Variants in GTF3C1 observed in about 807,000 individuals in gnomAD.
GTF3C1 encodes general transcription factor IIIC subunit 1.
In GTF3C1, 57 loss-of-function variants were observed where a neutral mutation model predicts 226.7. The ratio of observed to expected loss-of-function variants is 0.25; its 90% confidence interval spans 0.20 to 0.31. The LOEUF (loss-of-function observed/expected upper bound fraction) is 0.31. GTF3C1 is among the 10% of genes least tolerant of loss of function. The pLI is 1.00. For synonymous variants in GTF3C1, 1,090 were observed against 1,084.8 expected, an observed-to-expected ratio of 1.00 and a Z score of -0.09; for missense variants, 2,217 against 2,776.1, an observed-to-expected ratio of 0.80 and a Z score of 4.53.
chr16:27,476,563 C>A lies in GTF3C1; in HGVS notation c.4260-19G>T. On this transcript the variant is annotated intron_variant, in intron 28 of 36. Coordinates refer to ENST00000356183, the MANE Select transcript of GTF3C1 (RefSeq NM_001520.4). ...ATCCACGCTGAAAGAGAGGGGGCAG[C>A]AGGGCACCATGAGACCACAGGCACT... 1 of 1,471,226 alleles carries A rather than the reference C, an allele frequency of 6.8e-7. No individual in the cohort carries two copies. The allele number at this position is 1,471,226 out of a possible 1,614,324, so 91.1% of individuals were successfully genotyped here.
intron 13 of GTF3C1, 137 bp from the exon 14 acceptor site, chr16:27,497,958 G>T: frequency 1.5e-6 from 1 of 661,382 alleles, no homozygotes; most frequent in East Asian, 2.7e-5. Flanking sequence ...GGGCCAGGGA[G>T]ATGATGCAAA....
In GTF3C1 at chr16:27,498,753, C is replaced by G. The variant is rs367897591; in HGVS notation, c.2062-20G>C. The G allele has an allele frequency of 1.6e-6, 2 of 1,238,758 alleles. No homozygotes were observed. Among genetic ancestry groups the G allele is most frequent in the Middle Eastern group, 1.9e-4 (1 of 5,372 alleles). The allele number at this position is 1,238,758 out of a possible 1,614,324, so 76.7% of individuals were successfully genotyped here. On this transcript the variant is annotated intron_variant, in intron 12 of 36. Coordinates refer to ENST00000356183, the MANE Select transcript of GTF3C1 (RefSeq NM_001520.4). ...ATCCACCTGGAGAGAGAGGTTGGAG[C>G]ATCCCACAGGGTGAGGGAAGAGCTG...
chr16:27,491,354 A>T (rs2088230102), intron 19 of GTF3C1, among the ~76,000 whole-genome samples: 1 of 152,132 alleles, frequency 6.6e-6, no homozygotes, highest in Non-Finnish European at 1.5e-5. Context: ...CTGGAGGAAA[A>T]GCACTGCAGG....
chr16:27,473,340 G>C (rs1052179899), intron 29 of GTF3C1, among the ~76,000 whole-genome samples: 4 of 152,238 alleles, frequency 2.6e-5, no homozygotes, highest in African/African-American at 9.6e-5. Flanking sequence ...GCAGCTCAAA[G>C]GACTGTGCAG....
At chr16:27,497,852 C>T (rs761184041) in intron 13 of GTF3C1, 31 bp from the exon 14 acceptor site, 7 of 1,558,606 alleles carry the variant, frequency 4.5e-6, no homozygotes, top group Non-Finnish European at 6.1e-6. Context: ...CAATAATGTA[C>T]TGAGAAAATC....
chr16:27,492,698 C>G lies in GTF3C1; in HGVS notation c.2892G>C (p.Ser964=). The change falls in exon 18 of 37, where the codon TCG becomes TCC. Residue 964 remains serine (S), a synonymous_variant. Coordinates refer to ENST00000356183, the MANE Select transcript of GTF3C1 (RefSeq NM_001520.4). This position sits in a 1 kb window ranked among gnomAD's most constrained non-coding sequence, Gnocchi z 5.0. Reference sequence around the variant, plus strand: ...ACAGCCTCTGAAGGTTCTCCACCACCGAAAAAATGTAACGCCTAGAAAACA... The same window carrying G: ...ACAGCCTCTGAAGGTTCTCCACCACGGAAAAAATGTAACGCCTAGAAAACA... ...QLLYKRRYIF[S]VVENLQRLCY... 6.3e-7 allele frequency: 1 copy of G among 1,591,506 alleles called. No individual in the cohort carries two copies. Among genetic ancestry groups the G allele is most frequent in the Non-Finnish European group, 8.6e-7 (1 of 1,159,328 alleles).
At chr16:27,484,858 C>T (rs760962207) in intron 24 of GTF3C1, among the ~76,000 whole-genome samples, 4 of 152,230 alleles carry the variant, frequency 2.6e-5, no homozygotes, top group Non-Finnish European at 2.9e-5. Context: ...AGCCGCTTGA[C>T]GAGTTATTTT....
In GTF3C1 at chr16:27,489,666, CCTT is replaced by C. The variant is rs753436298; in HGVS notation, c.3226_3228del (p.Lys1076del). On this transcript the variant is annotated inframe_deletion, in exon 20 of 37. Transcript: ENST00000356183. ...TGCTTGTCCATGGCGCTCTCCTGCT[CCTT>C]CTGCAGGCTGCCCTCCTCGTCGCTG... 1 of 1,611,688 alleles carries C rather than the reference CCTT, an allele frequency of 6.2e-7. No individual in the cohort carries two copies. Among genetic ancestry groups the C allele is most frequent in the Non-Finnish European group, 8.5e-7 (1 of 1,179,174 alleles).
chr16:27,529,313 T>G (rs1011304086), intron 5 of GTF3C1, among the ~76,000 whole-genome samples: 15 of 151,888 alleles, frequency 9.9e-5, no homozygotes, highest in Admixed American at 9.2e-4. Flanking sequence ...TGCGGTGGCA[T>G]ATGCCTGTAA....
rs567177954 is a variant in GTF3C1, at chr16:27,469,157, G to A, written c.5074+134C>T. On this transcript the variant is annotated intron_variant, in intron 32 of 36. Coordinates refer to ENST00000356183, the MANE Select transcript of GTF3C1 (RefSeq NM_001520.4). This position sits in a 1 kb window ranked among gnomAD's most constrained non-coding sequence, Gnocchi z 4.5. ...CTTGAGTTGGCTGCAAGGATGGGGTGTGTTTTTCTGTGTGTTCTGTGGCTG... is the reference window on the plus strand; with the variant it reads ...CTTGAGTTGGCTGCAAGGATGGGGTATGTTTTTCTGTGTGTTCTGTGGCTG... The A allele has an allele frequency of 5.7e-6, 5 of 881,738 alleles. No individual in the cohort carries two copies. The Admixed American group carries it at 8.8e-5, about 15-fold the overall frequency. 54.6% of individuals were successfully genotyped at this position (881,738 alleles called of 1,614,324 possible).
intron 12 of GTF3C1, among the ~76,000 whole-genome samples, chr16:27,500,131 TG>T (rs1478564786): frequency 6.6e-6 from 1 of 151,774 alleles, no homozygotes; most frequent in African/African-American, 2.4e-5. Context: ...GACTGGAGGG[TG>T]GGGGGTTCCT....
At chr16:27,494,657 G>A in intron 16 of GTF3C1, 106 bp downstream of exon 16, 1 of 751,170 alleles carries the variant, frequency 1.3e-6, no homozygotes, top group Non-Finnish European at 2.3e-6. Flanking sequence ...CCATTCATCT[G>A]GGCAACACCG....
At position 27,518,145 on chromosome 16, in the gene GTF3C1, C is replaced by T. The variant is rs80273736; in HGVS notation, c.974-6244G>A. ...AAGTCCTACTGGTAAGCCAGGCAGA[C>T]GTCATGTAAATTCAGTGTTACCTCC... On this transcript the variant is annotated intron_variant, in intron 6 of 36. Coordinates refer to ENST00000356183, the MANE Select transcript of GTF3C1 (RefSeq NM_001520.4). 9.8e-3 allele frequency among the ~76,000 whole-genome samples: 1,493 copies of T among 152,256 alleles called. 30 individuals are homozygous for T. The highest frequency in any genetic ancestry group is 0.034 in the African/African-American group (1,393 of 41,516).
Position 27,469,328 on chromosome 16 carries a change from G to A in GTF3C1, c.5037C>T (p.Leu1679=), listed in dbSNP as rs1428076960. ...VVNSCQMKFQ[L]RCTPVPARLR... ...GCCGGGCGGGCACAGGGGTGCAGCG[G>A]AGCTGGAACTTCATCTGGCAGGAGT... The change falls in exon 32 of 37, where the codon CTC becomes CTT. Residue 1679 remains leucine (L), a synonymous_variant. Transcript: ENST00000356183. The surrounding 1 kb of genome is among the most constrained non-coding windows in gnomAD (Gnocchi z 4.5). 1.9e-6 allele frequency: 3 copies of A among 1,586,102 alleles called. No homozygotes were observed. Among genetic ancestry groups the A allele is most frequent in the Non-Finnish European group, 1.7e-6 (2 of 1,165,696 alleles).
In GTF3C1 at chr16:27,463,958, G is replaced by A. The variant is rs1596610224; in HGVS notation, c.5872+362C>T. 4 of 422,156 alleles carry A rather than the reference G, an allele frequency of 9.5e-6. No homozygotes were observed. Among genetic ancestry groups the A allele is most frequent in the South Asian group, 7.2e-5 (2 of 27,794 alleles). The allele number at this position is 422,156 out of a possible 1,614,324, so 26.2% of individuals were successfully genotyped here. ...CCCAGAGAAGCCACATGAGAAGGCC[G>A]CTGCTGATGACAGACGTGCAGGAAA... On this transcript the variant is annotated intron_variant, in intron 34 of 36. Transcript: ENST00000356183. The surrounding 1 kb of genome is among the most constrained non-coding windows in gnomAD (Gnocchi z 4.9).
chr16:27,527,753 G>A (rs182705734), intron 6 of GTF3C1, among the ~76,000 whole-genome samples: 2 of 152,274 alleles, frequency 1.3e-5, no homozygotes, highest in Admixed American at 1.3e-4. Context: ...TGTAATCCCA[G>A]CACTTTGCAG....
intron 2 of GTF3C1, among the ~76,000 whole-genome samples, chr16:27,541,656 C>T (rs1018618331): frequency 2.4e-4 from 37 of 152,080 alleles, no homozygotes; most frequent in South Asian, 2.1e-4. Context: ...GATGTGGCGA[C>T]GTGAAGATTT....
At chr16:27,532,237 G>A (rs1249848853) in intron 5 of GTF3C1, among the ~76,000 whole-genome samples, 2 of 152,204 alleles carry the variant, frequency 1.3e-5, no homozygotes, top group African/African-American at 2.4e-5. Context: ...CTGCTTTAAA[G>A]AGGCTTAGGC....
At chr16:27,501,091 A>G in intron 12 of GTF3C1, 100 bp downstream of exon 12, 1 of 963,492 alleles carries the variant, frequency 1.0e-6, no homozygotes, top group Non-Finnish European at 1.6e-6. Context: ...AGTCACTGGT[A>G]ATAAAGCAAC....
Sources: allele counts gnomAD v4.1 joint callset (sites outside exome capture counted in the v4.1 genomes callset), GRCh38; gene constraint gnomAD v4.1.1; non-coding constraint Gnocchi (gnomAD v3.1); transcripts MANE v1.5; gene names NCBI Gene and HGNC (gene_info 2026-07-23, HGNC 2026-07-21).